NXPH4: variants seen among roughly 807,000 people sequenced by gnomAD.
NXPH4 encodes neurexophilin-4.
In NXPH4, 8 loss-of-function variants were observed where a neutral mutation model predicts 21.3. The ratio of observed to expected loss-of-function variants is 0.38; its 90% CI spans 0.22 to 0.68. NXPH4 has a LOEUF of 0.68. Ranked by LOEUF, NXPH4 falls within the 30% of genes least tolerant of loss-of-function variation. The pLI, the probability that NXPH4 is intolerant of heterozygous loss-of-function variation, is 0.53. For synonymous variants in NXPH4, 219 were observed against 192.6 expected (o/e 1.14, Z -1.13); for missense variants, 418 against 416.8 (o/e 1.00, Z -0.03).
At chr12:57,220,695 C>T (rs2037083227) in intron 1 of NXPH4, among the ~76,000 whole-genome samples, 2 of 152,220 alleles carry the variant, frequency 1.3e-5, no homozygotes, top group Non-Finnish European at 2.9e-5. Flanking sequence ...CTGGTCTTTG[C>T]CTTGCCCTCT....
rs761229560 is a variant in NXPH4, at chr12:57,225,508, G to T, written c.688G>T (p.Ala230Ser). Reference protein sequence around the residue: ...LGVPGAKESRAFNCHVEYEKT... With the variant: ...LGVPGAKESRSFNCHVEYEKT... ...AGTGCCTGGGGCCAAAGAGTCACGC[G>T]CTTTCAATTGCCACGTGGAGTATGA... Residue 230 changes from alanine (A) to serine (S), a missense_variant, in exon 2 of 2, where the codon GCT becomes TCT. Coordinates refer to ENST00000349394, the MANE Select transcript of NXPH4 (RefSeq NM_007224.4). The T allele has an allele frequency of 2.5e-6, 4 of 1,611,472 alleles. No individual in the cohort carries two copies. Among genetic ancestry groups the T allele is most frequent in the South Asian group, 1.1e-5 (1 of 90,988 alleles).
intron 1 of NXPH4, among the ~76,000 whole-genome samples, chr12:57,217,515 C>T (rs577794842): frequency 6.6e-6 from 1 of 152,230 alleles, no homozygotes; most frequent in Non-Finnish European, 1.5e-5. Context: ...CACGCACACA[C>T]GGACTCAGGC....
Position 57,226,150 on chromosome 12 carries a change from G to A in NXPH4, c.*403G>A. 2 of 448,320 alleles carry A rather than the reference G, an allele frequency of 4.5e-6. No individual in the cohort carries two copies. The highest frequency in any genetic ancestry group is 3.8e-5 in the Admixed American group (1 of 26,086). The allele number at this position is 448,320 out of a possible 1,614,324, so 27.8% of individuals were successfully genotyped here. A position where few individuals can be genotyped will look rare whatever the true frequency, so the allele number is the denominator to read the frequency against. On this transcript the variant is annotated 3_prime_UTR_variant, in exon 2 of 2. Transcript: ENST00000349394. ...CACCCTGACTTTCCCATCCCCCAGC[G>A]CTTGTCCTGCTTCACCCTACCCCGC...
At chr12:57,223,699 G>A (rs1248748088) in intron 1 of NXPH4, among the ~76,000 whole-genome samples, 1 of 152,214 alleles carries the variant, frequency 6.6e-6, no homozygotes, top group East Asian at 1.9e-4. Context: ...TCCCCTCGCT[G>A]GAGCGGCATC....
chr12:57,223,707 A>G (rs1417524083), intron 1 of NXPH4, among the ~76,000 whole-genome samples: 2 of 152,104 alleles, frequency 1.3e-5, no homozygotes, highest in African/African-American at 4.8e-5. Context: ...CTGGAGCGGC[A>G]TCTCCATATT....
chr12:57,221,853 C>T (rs374486388), intron 1 of NXPH4, among the ~76,000 whole-genome samples: 163 of 152,286 alleles, frequency 1.1e-3, no homozygotes, highest in African/African-American at 3.7e-3. Flanking sequence ...AACTCCCCCA[C>T]CTCCCCCCAT....
At chr12:57,221,717 A>G (rs932982326) in intron 1 of NXPH4, among the ~76,000 whole-genome samples, 5 of 152,120 alleles carry the variant, frequency 3.3e-5, no homozygotes, top group Admixed American at 2.0e-4. Context: ...GCGCCCAATT[A>G]GCTTAATTAA....
chr12:57,224,411 C>A (rs1205111619), intron 1 of NXPH4, among the ~76,000 whole-genome samples: 1 of 152,140 alleles, frequency 6.6e-6, no homozygotes, highest in African/African-American at 2.4e-5. Context: ...CGTGAGTCAC[C>A]GCGTGTGCCG....
intron 1 of NXPH4, among the ~76,000 whole-genome samples, chr12:57,218,808 C>T (rs981422310): frequency 2.6e-5 from 4 of 152,076 alleles, no homozygotes; most frequent in Admixed American, 6.5e-5. Context: ...TATAACTGCA[C>T]GGGGAGGTGT....
At chr12:57,220,562 C>T (rs2037081956) in intron 1 of NXPH4, among the ~76,000 whole-genome samples, 1 of 152,332 alleles carries the variant, frequency 6.6e-6, no homozygotes, top group African/African-American at 2.4e-5. Flanking sequence ...AGGGGGCGTC[C>T]AGCCCAAGGG....
rs758415884 is a variant in NXPH4 at position 57,217,020 on chromosome 12, T to C, written c.51T>C (p.Leu17=). The C allele has an allele frequency of 6.2e-7, 1 of 1,604,252 alleles. No homozygotes were observed. The highest frequency in any genetic ancestry group is 1.1e-5 in the South Asian group (1 of 89,734). The change falls in exon 1 of 2, where the codon CTT becomes CTC. Residue 17 remains leucine, a synonymous_variant. Transcript: ENST00000349394. ...WFLLLFGPWL[L]RKAVSAQIPE... is the part of the protein sequence containing the mutation. ...TCTTGCTCTTTGGCCCGTGGCTCCTTAGGAAGGTAAGAGTGGCAGGGCTGG... is the reference window on the plus strand; with the variant it reads ...TCTTGCTCTTTGGCCCGTGGCTCCTCAGGAAGGTAAGAGTGGCAGGGCTGG...
chr12:57,222,610 G>A (rs1274781811), intron 1 of NXPH4, among the ~76,000 whole-genome samples: 1 of 151,930 alleles, frequency 6.6e-6, no homozygotes, highest in East Asian at 1.9e-4. Flanking sequence ...GCTTTCCCAG[G>A]AAACCTAACC....
At chr12:57,219,341 G>C (rs1370431601) in intron 1 of NXPH4, among the ~76,000 whole-genome samples, 1 of 152,164 alleles carries the variant, frequency 6.6e-6, no homozygotes, top group East Asian at 1.9e-4. Flanking sequence ...GATTCTTGAG[G>C]ATCTTTCTCA....
chr12:57,223,568 G>A (rs1283166895), intron 1 of NXPH4, among the ~76,000 whole-genome samples: 1 of 152,140 alleles, frequency 6.6e-6, no homozygotes, highest in Non-Finnish European at 1.5e-5. Context: ...ACCCCAGGCT[G>A]ACACACATGG....
chr12:57,217,841 T>C (rs2037054997), intron 1 of NXPH4, among the ~76,000 whole-genome samples: 1 of 152,358 alleles, frequency 6.6e-6, no homozygotes, highest in Non-Finnish European at 1.5e-5. Flanking sequence ...GGTCACCGTG[T>C]GCACCTGTGT....
rs541646252 is a variant in NXPH4 at position 57,222,177 on chromosome 12, GC to G, written c.58-2694del. ...TCCCCTACAAGGTCGCTTCAGCCGTGCCCCCCCAACTCTTCCTTTTTATCTT... is the reference window on the plus strand; with the variant it reads ...TCCCCTACAAGGTCGCTTCAGCCGTGCCCCCCAACTCTTCCTTTTTATCTT... On this transcript the variant is annotated intron_variant, in intron 1 of 1. Coordinates refer to ENST00000349394, the MANE Select transcript of NXPH4 (RefSeq NM_007224.4). Among the ~76,000 whole-genome samples, 88 of 151,982 alleles carry G rather than the reference GC, an allele frequency of 5.8e-4. 1 individual carries two copies. The highest frequency in any genetic ancestry group is 1.1e-3 in the Non-Finnish European group (73 of 67,950).
At chr12:57,224,245 C>T (rs1012679209) in intron 1 of NXPH4, among the ~76,000 whole-genome samples, 1 of 152,142 alleles carries the variant, frequency 6.6e-6, no homozygotes, top group African/African-American at 2.4e-5. Context: ...TCCACCTCAG[C>T]CTCCCCAATA....
intron 1 of NXPH4, among the ~76,000 whole-genome samples, chr12:57,218,470 A>G (rs1254267712): frequency 6.6e-6 from 1 of 152,160 alleles, no homozygotes; most frequent in African/African-American, 2.4e-5. Flanking sequence ...CCTGGGGTCA[A>G]GAGGTGGTAG....
Position 57,216,969 on chromosome 12 carries a change from G to C in NXPH4, c.-1G>C. 1 of 1,598,928 alleles carries C rather than the reference G, an allele frequency of 6.3e-7. No individual in the cohort carries two copies. Among genetic ancestry groups the C allele is most frequent in the Non-Finnish European group, 8.5e-7 (1 of 1,173,506 alleles). On this transcript the variant is annotated 5_prime_UTR_variant, in exon 1 of 2. Transcript: ENST00000349394. The surrounding 1 kb of genome is among the most constrained non-coding windows in gnomAD (Gnocchi z 5.3). ...CCTGCCCCGCTCAGCCGCCAGAGAA[G>C]ATGCGGCTGCTCCCGGAATGGTTCC...
Sources: gnomAD v4.1 joint callset for allele counts (sites outside exome capture counted in the v4.1 genomes callset) on GRCh38, gnomAD v4.1.1 for gene constraint, Gnocchi (gnomAD v3.1) non-coding constraint, MANE v1.5 for transcripts, NCBI Gene and HGNC (gene_info 2026-07-23, HGNC 2026-07-21) for gene names.